The following SLC44A3 variants were observed in gnomAD, a reference collection of about 807,000 sequenced individuals.
SLC44A3 encodes the protein solute carrier family 44 member 3, also known as choline transporter-like protein 3.
SLC44A3 carries 74 observed loss-of-function variants against 75.4 expected under a neutral mutation model. That is an observed-to-expected ratio of 0.98 (90% CI 0.81 to 1.19). SLC44A3 has a LOEUF of 1.19. Ranked by LOEUF, SLC44A3 falls within the 50% of genes most tolerant of loss-of-function variation. SLC44A3 has a pLI of 0.00. For synonymous variants in SLC44A3, 310 were observed against 296.9 expected (o/e 1.04, Z -0.45); for missense variants, 700 against 778.6 (o/e 0.90, Z 1.20).
chr1:94,827,946 G>A (rs909871968), intron 4 of SLC44A3, among the ~76,000 whole-genome samples: 2 of 152,150 alleles, frequency 1.3e-5, no homozygotes, highest in African/African-American at 4.8e-5. Flanking sequence ...CAAAGGCGGT[G>A]TCAGAAGGAA....
rs762769158 is a variant in SLC44A3 at position 94,894,937 on chromosome 1, A to G, written c.*15A>G. 1.7e-5 allele frequency: 27 copies of G among 1,584,756 alleles called. No homozygotes were observed. The highest frequency in any genetic ancestry group is 1.7e-4 in the Middle Eastern group (1 of 6,038). On this transcript the variant is annotated 3_prime_UTR_variant, in exon 15 of 15. Coordinates refer to ENST00000271227, the MANE Select transcript of SLC44A3 (RefSeq NM_001114106.3). ...TTGTGAGATAGATACCCATTTAGGT[A>G]TCTGTACCTGGAAAACATTTCCTTC...
chr1:94,833,070 A>G (rs1662330486), intron 5 of SLC44A3, among the ~76,000 whole-genome samples: 2 of 152,056 alleles, frequency 1.3e-5, no homozygotes, highest in African/African-American at 4.8e-5. Context: ...CCCAGGAGCA[A>G]GTGGGAAGGC....
chr1:94,845,335 C>A lies in SLC44A3; in HGVS notation c.943C>A (p.Leu315Ile), dbSNP rs138264251. The part of the protein sequence containing the change: ...LRKRIKLTVE[L>I]FQITNKAISS... Reference sequence around the variant, plus strand: ...AAAGAGAATAAAATTGACAGTTGAGCTTTTCCAAATCACAAATAAAGCCAT... The same window carrying A: ...AAAGAGAATAAAATTGACAGTTGAGATTTTCCAAATCACAAATAAAGCCAT... Residue 315 changes from leucine (L) to isoleucine (I), a missense_variant, in exon 9 of 15, where the codon CTT (leucine) becomes ATT (isoleucine). Coordinates refer to ENST00000271227, the MANE Select transcript of SLC44A3 (RefSeq NM_001114106.3). 6.2e-7 allele frequency: 1 copy of A among 1,613,882 alleles called. No homozygotes were observed. Among genetic ancestry groups the A allele is most frequent in the East Asian group, 2.2e-5 (1 of 44,880 alleles).
chr1:94,841,760 TG>T (rs1663676803), intron 7 of SLC44A3, among the ~76,000 whole-genome samples: 1 of 152,214 alleles, frequency 6.6e-6, no homozygotes. Flanking sequence ...GTCACCATCC[TG>T]GGTCTCCCAA....
At chr1:94,840,154 C>G (rs1215897858) in intron 7 of SLC44A3, 117 bp downstream of exon 7, 2 of 824,168 alleles carry the variant, frequency 2.4e-6, no homozygotes, top group Admixed American at 2.3e-5. Flanking sequence ...GAGTATCTAG[C>G]CCTGTCACTT....
intron 10 of SLC44A3, among the ~76,000 whole-genome samples, chr1:94,857,787 G>A (rs900902147): frequency 1.3e-5 from 2 of 150,768 alleles, no homozygotes; most frequent in African/African-American, 4.9e-5. Flanking sequence ...ATAAAAAGGG[G>A]CTGCTCTGCC....
intron 10 of SLC44A3, among the ~76,000 whole-genome samples, chr1:94,864,151 G>A (rs1266113749): frequency 2.6e-5 from 4 of 151,994 alleles, no homozygotes; most frequent in Non-Finnish European, 2.9e-5. Context: ...TGGGAGCTGC[G>A]TCATGACAAG....
chr1:94,830,480 G>A (rs1207139195), intron 5 of SLC44A3, among the ~76,000 whole-genome samples: 3 of 152,050 alleles, frequency 2.0e-5, no homozygotes, highest in African/African-American at 7.2e-5. Context: ...CAAAGTGCTG[G>A]GATTACAGGC....
In SLC44A3 at chr1:94,875,765, A is replaced by G. The variant is rs549492654; in HGVS notation, c.1482+8348A>G. 3.3e-5 allele frequency among the ~76,000 whole-genome samples: 5 copies of G among 152,318 alleles called. No homozygotes were observed. The East Asian group carries it at 9.6e-4, about 29-fold the overall frequency. ...CAACACTAGTTGAAAAGGTCAGCTA[A>G]TCCAAGGAGTTGCCATTTGTGTAAA... On this transcript the variant is annotated intron_variant, in intron 12 of 14. Transcript: ENST00000271227.
At chr1:94,845,187 T>C in intron 8 of SLC44A3, 91 bp from the exon 9 acceptor site, 1 of 1,314,438 alleles carries the variant, frequency 7.6e-7, no homozygotes, top group Non-Finnish European at 1.0e-6. Flanking sequence ...AGCTGTTTGC[T>C]GAGATGTCAT....
At chr1:94,831,079 G>A (rs1413494329) in intron 5 of SLC44A3, among the ~76,000 whole-genome samples, 1 of 152,148 alleles carries the variant, frequency 6.6e-6, no homozygotes, top group East Asian at 1.9e-4. Context: ...ATTTTATTTT[G>A]ACTGGTGAGT....
At chr1:94,887,908 C>A (rs2101656630) in intron 12 of SLC44A3, among the ~76,000 whole-genome samples, 1 of 152,232 alleles carries the variant, frequency 6.6e-6, no homozygotes, top group Middle Eastern at 3.4e-3. Context: ...AACTACAGGC[C>A]CCTGCCACAC....
At chr1:94,858,148 C>T (rs1218069955) in intron 10 of SLC44A3, among the ~76,000 whole-genome samples, 1 of 152,070 alleles carries the variant, frequency 6.6e-6, no homozygotes, top group Non-Finnish European at 1.5e-5. Context: ...AAGGGTGGAA[C>T]TCCCCTATGA....
intron 1 of SLC44A3, 156 bp downstream of exon 1, chr1:94,820,634 A>C: frequency 7.2e-7 from 1 of 1,380,590 alleles, no homozygotes; most frequent in Non-Finnish European, 9.4e-7. Context: ...GCGGGGAGGA[A>C]CCTGGACCCT....
chr1:94,827,463 G>A, intron 3 of SLC44A3, 44 bp from the exon 4 acceptor site: 1 of 1,610,564 alleles, frequency 6.2e-7, no homozygotes, highest in Non-Finnish European at 8.5e-7. Flanking sequence ...AGACCAGTGA[G>A]AAGCAATGCT....
intron 10 of SLC44A3, among the ~76,000 whole-genome samples, chr1:94,862,009 C>A (rs1666637020): frequency 6.6e-6 from 1 of 152,180 alleles, no homozygotes; most frequent in Admixed American, 6.5e-5. Context: ...GGATTCATAG[C>A]AGAGCCTAAG....
Position 94,820,601 on chromosome 1 carries a change from G to A in SLC44A3, c.27+123G>A, listed in dbSNP as rs72958558. 5 of 1,393,366 alleles carry A rather than the reference G, an allele frequency of 3.6e-6. No individual in the cohort carries two copies. The East Asian group carries it at 1.5e-4, about 41-fold the overall frequency. The allele number at this position is 1,393,366 out of a possible 1,614,324, so 86.3% of individuals were successfully genotyped here. ...CCCGCGCCTCGGGGATCCCGCCCCC[G>A]CTTAGTACCTTGGGGCCACCTGGCG... On this transcript the variant is annotated intron_variant, in intron 1 of 14. Coordinates refer to ENST00000271227, the MANE Select transcript of SLC44A3 (RefSeq NM_001114106.3).
chr1:94,864,926 C>T lies in SLC44A3; in HGVS notation c.1395+27C>T, dbSNP rs201812850. On this transcript the variant is annotated intron_variant, in intron 11 of 14. Coordinates refer to ENST00000271227, the MANE Select transcript of SLC44A3 (RefSeq NM_001114106.3). ...TAAGGCTACCTCCTGATACACAGCA[C>T]GTTCTGTGTTTGGGTTGCCAGAAAC... 88 of 1,606,566 alleles carry T rather than the reference C, an allele frequency of 5.5e-5. 2 individuals carry two copies. The Middle Eastern group carries it at 8.3e-4, about 15-fold the overall frequency.
At chr1:94,831,167 C>T (rs1043450991) in intron 5 of SLC44A3, among the ~76,000 whole-genome samples, 13 of 152,182 alleles carry the variant, frequency 8.5e-5, no homozygotes, top group Non-Finnish European at 1.5e-5. Flanking sequence ...TCTTCTCACT[C>T]TCAAGCCAGC....
Sources: gnomAD v4.1 joint callset for allele counts (sites outside exome capture counted in the v4.1 genomes callset) on GRCh38, gnomAD v4.1.1 for gene constraint, MANE v1.5 for transcripts, NCBI Gene and HGNC (gene_info 2026-07-23, HGNC 2026-07-21) for gene names.